MCOLN2: variants seen among roughly 807,000 people sequenced by gnomAD.
MCOLN2 encodes mucolipin-2.
Under a neutral mutation model 67.5 loss-of-function variants are expected in MCOLN2, and 57 were observed. That is an observed-to-expected ratio of 0.84 (90% CI 0.68 to 1.05). The LOEUF (loss-of-function observed/expected upper bound fraction) is 1.05. Among genes scored for constraint, MCOLN2 ranks in the 50% least tolerant of loss-of-function variants. The pLI is 0.00. For synonymous variants in MCOLN2, 246 were observed against 233.3 expected (o/e 1.05, Z -0.50); for missense variants, 620 against 678.8 (o/e 0.91, Z 0.96).
intron 1 of MCOLN2, among the ~76,000 whole-genome samples, chr1:84,973,018 G>A (rs991229588): frequency 6.6e-6 from 1 of 152,078 alleles, no homozygotes; most frequent in African/African-American, 2.4e-5. Flanking sequence ...CTCCAAAGTG[G>A]GGTCCTTGTG....
In MCOLN2 at chr1:84,952,486, C is replaced by T. The variant is rs933988913; in HGVS notation, c.610G>A (p.Asp204Asn). 1.9e-6 allele frequency: 3 copies of T among 1,613,356 alleles called. No individual in the cohort carries two copies. Among genetic ancestry groups the T allele is most frequent in the Non-Finnish European group, 2.5e-6 (3 of 1,179,338 alleles). Residue 204 changes from aspartate to asparagine, a missense_variant, in exon 5 of 14, where the codon GAC becomes AAC. Coordinates refer to ENST00000370608, the MANE Select transcript of MCOLN2 (RefSeq NM_153259.4). ...DLQDLSKKPP[D>N]WKNSSFFRLE... ...CTGAAGAATGATGAGTTCTTCCAGT[C>T]CGGAGGCTTCTTGGAGAGGTCCTGA...
rs6143310 is a variant in MCOLN2 at position 84,996,393 on chromosome 1, C to CATATATATATAT, written c.77+391_77+402dup. ...CACACTTACACATACGTATATATTTCATATATATATATATATATATATATA... is the reference window on the plus strand; with the variant it reads ...CACACTTACACATACGTATATATTTCATATATATATATATATATATATATATATATATATATA... On this transcript the variant is annotated intron_variant, in intron 1 of 13. Coordinates refer to ENST00000370608, the MANE Select transcript of MCOLN2 (RefSeq NM_153259.4). Among the ~76,000 whole-genome samples, 733 of 123,594 alleles carry CATATATATATAT rather than the reference C, an allele frequency of 5.9e-3. 14 individuals carry two copies. Among genetic ancestry groups the CATATATATATAT allele is most frequent in the African/African-American group, 8.7e-3 (251 of 28,832 alleles). 81.1% of individuals were successfully genotyped at this position (123,594 alleles called of 152,430 possible). A position where few individuals can be genotyped will look rare whatever the true frequency, so the allele number is the denominator to read the frequency against.
chr1:84,974,944 C>T (rs553952585), intron 1 of MCOLN2, among the ~76,000 whole-genome samples: 222 of 152,278 alleles, frequency 1.5e-3, no homozygotes, highest in Admixed American at 4.2e-3. Context: ...GGGAAGGTCT[C>T]CTCTGCTTTT....
intron 1 of MCOLN2, among the ~76,000 whole-genome samples, chr1:84,968,304 T>C (rs1186435377): frequency 1.3e-5 from 2 of 152,176 alleles, no homozygotes; most frequent in Non-Finnish European, 2.9e-5. Context: ...GCCAGGGAAC[T>C]TCAAACTGTG....
At chr1:84,943,329 C>A (rs1289689666) in intron 7 of MCOLN2, among the ~76,000 whole-genome samples, 2 of 152,116 alleles carry the variant, frequency 1.3e-5, no homozygotes, top group Non-Finnish European at 2.9e-5. Context: ...ATATTCATGA[C>A]AAGAGAAGAC....
At chr1:84,968,098 A>G (rs1350284521) in intron 1 of MCOLN2, among the ~76,000 whole-genome samples, 5 of 152,198 alleles carry the variant, frequency 3.3e-5, no homozygotes, top group Non-Finnish European at 7.3e-5. Flanking sequence ...GGAACAAGAG[A>G]GCCAAGATTC....
chr1:84,967,963 T>C (rs1300545064), intron 1 of MCOLN2, among the ~76,000 whole-genome samples: 1 of 152,070 alleles, frequency 6.6e-6, no homozygotes, highest in Non-Finnish European at 1.5e-5. Context: ...GAAGTACCTT[T>C]AAAAGATTGA....
At chr1:84,969,992 G>T (rs1649586183) in intron 1 of MCOLN2, among the ~76,000 whole-genome samples, 1 of 152,092 alleles carries the variant, frequency 6.6e-6, no homozygotes, top group African/African-American at 2.4e-5. Flanking sequence ...CCAAGAAAAA[G>T]GTGCATCTTA....
At chr1:84,971,622 GAGAA>G (rs1238825121) in intron 1 of MCOLN2, among the ~76,000 whole-genome samples, 1 of 151,920 alleles carries the variant, frequency 6.6e-6, no homozygotes, top group East Asian at 1.9e-4. Flanking sequence ...TTTTAAAACA[GAGAA>G]AGAGAGAGAC....
chr1:84,977,189 G>A (rs142929786), intron 1 of MCOLN2, among the ~76,000 whole-genome samples: 7 of 151,624 alleles, frequency 4.6e-5, no homozygotes, highest in African/African-American at 1.7e-4. Context: ...TCAAAATAAT[G>A]GTTTATAAGA....
At chr1:84,990,534 G>C (rs1031931695) in intron 1 of MCOLN2, among the ~76,000 whole-genome samples, 3 of 151,844 alleles carry the variant, frequency 2.0e-5, no homozygotes, top group African/African-American at 7.3e-5. Context: ...GGCCCTATTC[G>C]TACCTTTGCA....
intron 6 of MCOLN2, among the ~76,000 whole-genome samples, chr1:84,951,517 C>T (rs921305406): frequency 6.6e-6 from 1 of 152,240 alleles, no homozygotes; most frequent in African/African-American, 2.4e-5. Flanking sequence ...CCTTTGCAGA[C>T]TGGTCTTCAC....
chr1:84,996,622 GA>G (rs1651171770), intron 1 of MCOLN2, among the ~76,000 whole-genome samples, 173 bp downstream of exon 1: 1 of 151,900 alleles, frequency 6.6e-6, no homozygotes, highest in African/African-American at 2.4e-5. Flanking sequence ...CCACCTGAGG[GA>G]AAGGCCTGTT....
chr1:84,990,227 G>A (rs1052215461), intron 1 of MCOLN2, among the ~76,000 whole-genome samples: 3 of 148,374 alleles, frequency 2.0e-5, no homozygotes, highest in Admixed American at 6.8e-5. Context: ...GAACCTGGGA[G>A]GCGGAGGTTG....
At position 84,976,578 on chromosome 1, in the gene MCOLN2, C is replaced by G. The variant is rs530516302; in HGVS notation, c.78-10870G>C. 3.3e-5 allele frequency among the ~76,000 whole-genome samples: 5 copies of G among 152,198 alleles called. No individual in the cohort carries two copies. In the East Asian group the frequency reaches 9.7e-4, roughly 29 times the overall value. ...GTCAGGAGTTCGAGACCAGTCTGAC[C>G]AACATGATGAAACCCCGTCTCTACT... On this transcript the variant is annotated intron_variant, in intron 1 of 13. Transcript: ENST00000370608.
intron 1 of MCOLN2, among the ~76,000 whole-genome samples, chr1:84,971,718 G>A (rs1649700243): frequency 6.6e-6 from 1 of 152,096 alleles, no homozygotes; most frequent in African/African-American, 2.4e-5. Context: ...ACACCTGGCT[G>A]GGGGTTTTAC....
chr1:84,981,405 T>A (rs752280177), intron 1 of MCOLN2, among the ~76,000 whole-genome samples: 12 of 152,188 alleles, frequency 7.9e-5, no homozygotes, highest in Non-Finnish European at 1.8e-4. Flanking sequence ...GGAAGCAATC[T>A]GTATGTCCAT....
At chr1:84,964,482 T>A (rs1315179089) in intron 2 of MCOLN2, among the ~76,000 whole-genome samples, 6 of 149,692 alleles carry the variant, frequency 4.0e-5, no homozygotes, top group Non-Finnish European at 7.4e-5. Context: ...CAGGGACTGG[T>A]TTTGTAGAAG....
At chr1:84,961,966 G>A (rs1288466871) in intron 2 of MCOLN2, among the ~76,000 whole-genome samples, 1 of 152,020 alleles carries the variant, frequency 6.6e-6, no homozygotes, top group Non-Finnish European at 1.5e-5. Flanking sequence ...TTCAGAGCAG[G>A]AATTTTAAAA....
Sources: allele counts gnomAD v4.1 joint callset (sites outside exome capture counted in the v4.1 genomes callset), GRCh38; gene constraint gnomAD v4.1.1; transcripts MANE v1.5; gene names NCBI Gene and HGNC (gene_info 2026-07-23, HGNC 2026-07-21).